ROBO1: variants seen among roughly 807,000 people sequenced by gnomAD.
ROBO1 encodes roundabout guidance receptor 1.
In ROBO1, 149 loss-of-function variants were observed where a neutral mutation model predicts 195.9. That is an observed-to-expected ratio of 0.76 (90% CI 0.67 to 0.87). The LOEUF (loss-of-function observed/expected upper bound fraction) is 0.87. Ranked by LOEUF, ROBO1 falls within the 40% of genes least tolerant of loss-of-function variation. The pLI is 0.00. For missense variants in ROBO1, 1,933 were observed against 2,068.3 expected, an observed-to-expected ratio of 0.93 and a Z score of 1.27; for synonymous variants, 816 against 733.2, an observed-to-expected ratio of 1.11 and a Z score of -1.82.
chr3:78,778,438 A>C (rs1371142370), intron 4 of ROBO1, among the ~76,000 whole-genome samples: 2 of 152,048 alleles, frequency 1.3e-5, no homozygotes, highest in Non-Finnish European at 2.9e-5. Flanking sequence ...CCTCTGGTAG[A>C]ATTCAACAAA....
At chr3:79,070,718 T>A (rs1392215606) in intron 3 of ROBO1, among the ~76,000 whole-genome samples, 1 of 151,794 alleles carries the variant, frequency 6.6e-6, no homozygotes, top group Non-Finnish European at 1.5e-5. Context: ...ATATCTTTAA[T>A]CTGAAGAGCC....
intron 2 of ROBO1, among the ~76,000 whole-genome samples, chr3:79,240,201 C>A (rs2082486768): frequency 6.6e-6 from 1 of 152,058 alleles, no homozygotes; most frequent in East Asian, 1.9e-4. Flanking sequence ...TTTTTAGATT[C>A]CACATAAAAG....
intron 1 of ROBO1, among the ~76,000 whole-genome samples, chr3:79,749,181 C>G (rs576468042): frequency 2.4e-4 from 36 of 152,062 alleles, no homozygotes; most frequent in African/African-American, 7.0e-4. Flanking sequence ...AAGGGTGAAT[C>G]TTGCAAAGAG....
intron 1 of ROBO1, among the ~76,000 whole-genome samples, chr3:79,650,577 G>A (rs1328565037): frequency 6.6e-6 from 1 of 151,460 alleles, no homozygotes; most frequent in Non-Finnish European, 1.5e-5. Flanking sequence ...GTTCATTGAA[G>A]TATTGTGTTT....
chr3:79,351,451 G>C (rs563906388), intron 2 of ROBO1, among the ~76,000 whole-genome samples: 169 of 152,148 alleles, frequency 1.1e-3, no homozygotes, highest in African/African-American at 3.9e-3. Flanking sequence ...CACGTTTCTG[G>C]CTATGTTCCT....
intron 3 of ROBO1, among the ~76,000 whole-genome samples, chr3:78,972,596 T>C (rs1248909913): frequency 6.6e-6 from 1 of 152,222 alleles, no homozygotes; most frequent in African/African-American, 2.4e-5. Context: ...TCGTTTTCTT[T>C]CATGGATTGG....
In ROBO1 at chr3:79,614,803, A is replaced by T. The variant is rs572585207; in HGVS notation, c.-50-24842T>A. Among the ~76,000 whole-genome samples the T allele has an allele frequency of 1.3e-3, 146 of 115,296 alleles. 1 individual carries two copies. The highest frequency in any genetic ancestry group is 4.8e-3 in the African/African-American group (143 of 29,928). The allele number at this position is 115,296 out of a possible 152,430, so 75.6% of individuals were successfully genotyped here. A position where few individuals can be genotyped will look rare whatever the true frequency, so the allele number is the denominator to read the frequency against. On this transcript the variant is annotated intron_variant, in intron 1 of 30. Coordinates refer to ENST00000464233, the MANE Select transcript of ROBO1 (RefSeq NM_002941.4). Reference sequence around the variant, plus strand: ...TGATCTATGATTTCAATGCAATCCCAATTATAATCATGGACATTAAAAATA... The same window carrying T: ...TGATCTATGATTTCAATGCAATCCCTATTATAATCATGGACATTAAAAATA...
At chr3:78,923,275 A>G (rs2039043276) in intron 4 of ROBO1, among the ~76,000 whole-genome samples, 1 of 152,184 alleles carries the variant, frequency 6.6e-6, no homozygotes, top group Non-Finnish European at 1.5e-5. Flanking sequence ...ATTAGGAGTT[A>G]CAAGGTCCTT....
At chr3:79,182,801 C>G (rs1406108671) in intron 2 of ROBO1, among the ~76,000 whole-genome samples, 1 of 151,966 alleles carries the variant, frequency 6.6e-6, no homozygotes, top group Non-Finnish European at 1.5e-5. Flanking sequence ...ATACATAGGC[C>G]GGGTGTAGTG....
rs1451797674 is a variant in ROBO1 at position 79,582,369 on chromosome 3, A to G, written c.88+7455T>C. ...TTAGAGATCAAGAACCTATCTGAAT[A>G]ACTCCAGAAGTTTTTTTCTATATTC... On this transcript the variant is annotated intron_variant, in intron 2 of 30. Coordinates refer to ENST00000464233, the MANE Select transcript of ROBO1 (RefSeq NM_002941.4). Among the ~76,000 whole-genome samples the G allele has an allele frequency of 4.0e-5, 6 of 151,694 alleles. No individual in the cohort carries two copies. In the East Asian group the frequency reaches 1.2e-3, roughly 29 times the overall value.
chr3:79,446,136 CT>C (rs1003931360), intron 2 of ROBO1, among the ~76,000 whole-genome samples: 22 of 152,116 alleles, frequency 1.4e-4, no homozygotes, highest in African/African-American at 4.1e-4. Context: ...TGCTTTTCCC[CT>C]ATTACAACAA....
intron 4 of ROBO1, among the ~76,000 whole-genome samples, chr3:78,836,047 C>T (rs751206054): frequency 1.3e-5 from 2 of 152,018 alleles, no homozygotes; most frequent in Non-Finnish European, 2.9e-5. Context: ...GACAATGCTG[C>T]CTAAATCAAT....
intron 5 of ROBO1, among the ~76,000 whole-genome samples, chr3:78,738,989 T>C (rs1159653106): frequency 6.6e-6 from 1 of 152,166 alleles, no homozygotes; most frequent in African/African-American, 2.4e-5. Flanking sequence ...AGAGAATATT[T>C]GTGGCATGCT....
intron 3 of ROBO1, among the ~76,000 whole-genome samples, chr3:79,116,621 G>A (rs1050592004): frequency 6.6e-6 from 1 of 150,428 alleles, no homozygotes; most frequent in Non-Finnish European, 1.5e-5. Context: ...GGGTTCAAGC[G>A]ATTCCCCTGC....
In ROBO1 at chr3:78,719,908, T is replaced by C. The variant is rs570630282; in HGVS notation, c.658-2025A>G. On this transcript the variant is annotated intron_variant, in intron 5 of 30. Coordinates refer to ENST00000464233, the MANE Select transcript of ROBO1 (RefSeq NM_002941.4). ...CTTAAAGGTATACCCAACTTAAGGC[T>C]ATTGGTTTATATTACTAATTATCTT... Among the ~76,000 whole-genome samples the C allele has an allele frequency of 1.7e-3, 266 of 152,322 alleles. 2 individuals are homozygous for C. Among genetic ancestry groups the C allele is most frequent in the African/African-American group, 6.2e-3 (257 of 41,574 alleles).
intron 1 of ROBO1, among the ~76,000 whole-genome samples, chr3:79,633,328 C>T (rs1945399879): frequency 6.7e-6 from 1 of 149,878 alleles, no homozygotes; most frequent in African/African-American, 2.5e-5. Flanking sequence ...TGCCAGCTAC[C>T]ACACCCAGCT....
intron 4 of ROBO1, among the ~76,000 whole-genome samples, chr3:78,753,385 G>A (rs940077882): frequency 3.9e-5 from 6 of 152,062 alleles, no homozygotes; most frequent in African/African-American, 7.2e-5. Context: ...CTGTACTGCC[G>A]TGCAAAATAC....
At chr3:78,706,637 C>T (rs1241017730) in intron 8 of ROBO1, among the ~76,000 whole-genome samples, 2 of 151,992 alleles carry the variant, frequency 1.3e-5, no homozygotes, top group Non-Finnish European at 2.9e-5. Flanking sequence ...CCATGACGCC[C>T]AGCTTTTGTA....
chr3:79,077,884 T>A (rs2079201044), intron 3 of ROBO1, among the ~76,000 whole-genome samples: 1 of 151,856 alleles, frequency 6.6e-6, no homozygotes, highest in South Asian at 2.1e-4. Context: ...TTAAGATTGC[T>A]TAAGAAGCAG....
Sources: gnomAD v4.1 joint callset for allele counts (sites outside exome capture counted in the v4.1 genomes callset) on GRCh38, gnomAD v4.1.1 for gene constraint, MANE v1.5 for transcripts, NCBI Gene and HGNC (gene_info 2026-07-23, HGNC 2026-07-21) for gene names.